EFCAB11: variants seen among roughly 807,000 people sequenced by gnomAD.
EFCAB11 encodes EF-hand calcium binding domain 11.
Under a neutral mutation model 23.0 loss-of-function variants are expected in EFCAB11, and 14 were observed. The observed-to-expected ratio is 0.61, with a 90% CI of 0.40 to 0.95. The LOEUF (loss-of-function observed/expected upper bound fraction) is 0.95. EFCAB11 is among the 40% of genes least tolerant of loss of function. EFCAB11 has a pLI of 0.00. For synonymous variants in EFCAB11, 65 were observed against 66.6 expected (o/e 0.98, Z 0.11); for missense variants, 198 against 195.8 (o/e 1.01, Z -0.07).
At chr14:89,850,743 T>C (rs1260801874) in intron 5 of EFCAB11, among the ~76,000 whole-genome samples, 1 of 152,228 alleles carries the variant, frequency 6.6e-6, no homozygotes, top group African/African-American at 2.4e-5. Flanking sequence ...ACTTAATTAT[T>C]TGATCACTGT....
intron 3 of EFCAB11, among the ~76,000 whole-genome samples, chr14:89,947,682 A>C (rs1891028992): frequency 6.6e-6 from 1 of 152,102 alleles, no homozygotes; most frequent in African/African-American, 2.4e-5. Context: ...TTTTGATCAA[A>C]CACTCTTGAT....
chr14:89,954,121 T>A, intron 1 of EFCAB11, 120 bp from the exon 2 acceptor site: 1 of 924,408 alleles, frequency 1.1e-6, no homozygotes, highest in South Asian at 1.7e-5. Flanking sequence ...AGTATGAAAA[T>A]AGAATTTCAT....
At chr14:89,828,108 G>A (rs1384440779) in intron 5 of EFCAB11, among the ~76,000 whole-genome samples, 6 of 152,096 alleles carry the variant, frequency 3.9e-5, no homozygotes, top group East Asian at 1.9e-4. Flanking sequence ...TTTAGTAGCC[G>A]TTTGCATAAC....
At chr14:89,866,661 A>G (rs1164984752) in intron 5 of EFCAB11, among the ~76,000 whole-genome samples, 1 of 152,196 alleles carries the variant, frequency 6.6e-6, no homozygotes, top group Non-Finnish European at 1.5e-5. Flanking sequence ...TCTAGGCTGA[A>G]ACATGTCTCC....
intron 5 of EFCAB11, among the ~76,000 whole-genome samples, chr14:89,918,375 C>G (rs1396220804): frequency 6.6e-6 from 1 of 151,872 alleles, no homozygotes; most frequent in Non-Finnish European, 1.5e-5. Flanking sequence ...CCCATCTCTA[C>G]TAAAAATACA....
chr14:89,904,283 T>C (rs539611706), intron 5 of EFCAB11, among the ~76,000 whole-genome samples: 36 of 152,180 alleles, frequency 2.4e-4, no homozygotes, highest in Non-Finnish European at 4.7e-4. Context: ...GCTTCATCCA[T>C]GTCCCTGCAA....
chr14:89,858,528 C>T (rs1470904011), intron 5 of EFCAB11, among the ~76,000 whole-genome samples: 1 of 152,112 alleles, frequency 6.6e-6, no homozygotes, highest in African/African-American at 2.4e-5. Flanking sequence ...CTCACTCTGT[C>T]GCCCAGAGTT....
chr14:89,806,299 T>C (rs890325058), intron 5 of EFCAB11, among the ~76,000 whole-genome samples: 2 of 152,218 alleles, frequency 1.3e-5, no homozygotes, highest in Non-Finnish European at 2.9e-5. Flanking sequence ...TTTCGGATTA[T>C]TGACTACTTG....
At chr14:89,865,373 G>A (rs184017916) in intron 5 of EFCAB11, among the ~76,000 whole-genome samples, 68 of 152,290 alleles carry the variant, frequency 4.5e-4, no homozygotes, top group African/African-American at 1.6e-3. Context: ...ATATCCGACA[G>A]AGCCTCTCTT....
At chr14:89,934,556 G>A (rs1447951126) in intron 3 of EFCAB11, among the ~76,000 whole-genome samples, 3 of 152,154 alleles carry the variant, frequency 2.0e-5, no homozygotes, top group African/African-American at 7.2e-5. Flanking sequence ...GTGGCCGGCT[G>A]TCTTCTAGGC....
chr14:89,839,672 T>C (rs1011446905), intron 5 of EFCAB11, among the ~76,000 whole-genome samples: 2 of 152,064 alleles, frequency 1.3e-5, no homozygotes, highest in Non-Finnish European at 2.9e-5. Flanking sequence ...TTAATTGGCT[T>C]ACAGTTCCAC....
chr14:89,901,817 C>A (rs1889347527), intron 5 of EFCAB11, among the ~76,000 whole-genome samples: 1 of 152,048 alleles, frequency 6.6e-6, no homozygotes, highest in Admixed American at 6.6e-5. Flanking sequence ...AATCTGAAAT[C>A]TGAAAGCTCC....
chr14:89,820,635 A>C (rs987209531), intron 5 of EFCAB11, among the ~76,000 whole-genome samples: 1 of 152,142 alleles, frequency 6.6e-6, no homozygotes, highest in Non-Finnish European at 1.5e-5. Flanking sequence ...AAAGTCTCTC[A>C]GGAGCTACAG....
chr14:89,890,796 G>A (rs1191859190), intron 5 of EFCAB11, among the ~76,000 whole-genome samples: 1 of 152,182 alleles, frequency 6.6e-6, no homozygotes, highest in African/African-American at 2.4e-5. Context: ...CGTGCACTGG[G>A]GCTGCGGTCT....
At chr14:89,848,900 C>T (rs1241157293) in intron 5 of EFCAB11, 2 of 152,106 alleles carry the variant, frequency 1.3e-5, no homozygotes, top group African/African-American at 4.8e-5. Context: ...GCACTCCAGC[C>T]TGGGTGACAC....
In EFCAB11 at chr14:89,915,251, CATT is replaced by C. The variant is rs1405669505; in HGVS notation, c.410+16287_410+16289del. Among the ~76,000 whole-genome samples, 3 of 152,268 alleles carry C rather than the reference CATT, an allele frequency of 2.0e-5. No individual in the cohort carries two copies. In the East Asian group the frequency reaches 5.8e-4, roughly 29 times the overall value. The stretch of plus-strand genomic sequence containing the variant: ...TGTGAATATTAACATAGACCAATGA[CATT>C]ATTACAGAAGCTTACTAGAAATATA... On this transcript the variant is annotated intron_variant, in intron 5 of 5. Coordinates refer to ENST00000316738, the MANE Select transcript of EFCAB11 (RefSeq NM_145231.4).
intron 5 of EFCAB11, among the ~76,000 whole-genome samples, chr14:89,894,021 C>T (rs1022085619): frequency 2.3e-4 from 35 of 151,864 alleles, no homozygotes; most frequent in African/African-American, 8.5e-4. Context: ...TCTCTGTCGC[C>T]CAGGCTGGAG....
At chr14:89,934,742 T>C (rs1190803543) in intron 3 of EFCAB11, among the ~76,000 whole-genome samples, 1 of 152,186 alleles carries the variant, frequency 6.6e-6, no homozygotes, top group African/African-American at 2.4e-5. Context: ...AATTGTTAGC[T>C]GAGGTTAAAA....
At chr14:89,954,735 C>T, upstream of EFCAB11, 4 of 1,549,088 alleles carry the variant, frequency 2.6e-6, no homozygotes, top group South Asian at 3.5e-5. Context: ...CAGCCTACCG[C>T]GGCCACGCCC....
Sources: allele counts gnomAD v4.1 joint callset (sites outside exome capture counted in the v4.1 genomes callset), GRCh38; gene constraint gnomAD v4.1.1; transcripts MANE v1.5; gene names NCBI Gene and HGNC (gene_info 2026-07-23, HGNC 2026-07-21).